The following PREX2 variants were observed in gnomAD, a reference collection of about 807,000 sequenced individuals.
PREX2 encodes phosphatidylinositol-3,4,5-trisphosphate dependent Rac exchange factor 2, also known as phosphatidylinositol 3,4,5-trisphosphate-dependent Rac exchanger 2 protein.
A neutral mutation model predicts 203.2 loss-of-function variants in PREX2; 107 were observed. The observed-to-expected ratio is 0.53, with a 90% CI of 0.45 to 0.62. PREX2 has a LOEUF of 0.62. PREX2 is among the 20% of genes least tolerant of loss of function. The pLI is 0.00. For missense variants in PREX2, 1,777 were observed against 1,955.9 expected, an observed-to-expected ratio of 0.91 and a Z score of 1.72; for synonymous variants, 672 against 663.6, an observed-to-expected ratio of 1.01 and a Z score of -0.19.
At chr8:68,158,140 C>CAT (rs57761539) in intron 35 of PREX2, among the ~76,000 whole-genome samples, 4 of 147,680 alleles carry the variant, frequency 2.7e-5, no homozygotes, top group African/African-American at 5.0e-5. Flanking sequence ...TATATACACA[C>CAT]ATATATGAAT....
chr8:68,021,968 A>G, intron 3 of PREX2, 68 bp from the exon 4 acceptor site: 1 of 777,558 alleles, frequency 1.3e-6, no homozygotes, highest in East Asian at 2.5e-5. Context: ...TTCTTTAAGC[A>G]TATCACATAG....
intron 3 of PREX2, 106 bp downstream of exon 3, chr8:68,019,777 A>G: frequency 3.5e-6 from 4 of 1,146,160 alleles, no homozygotes; most frequent in Non-Finnish European, 4.9e-6. Flanking sequence ...GTAAAATCTG[A>G]CACCAAAAGT....
chr8:68,022,294 TGA>T (rs548318947), intron 4 of PREX2, among the ~76,000 whole-genome samples, 154 bp downstream of exon 4: 6 of 152,052 alleles, frequency 3.9e-5, no homozygotes, highest in Non-Finnish European at 8.8e-5. Flanking sequence ...AAAATAAAAG[TGA>T]GAGCTGGGAT....
chr8:68,007,124 G>T (rs1412455093), intron 1 of PREX2, among the ~76,000 whole-genome samples: 1 of 152,084 alleles, frequency 6.6e-6, no homozygotes, highest in Non-Finnish European at 1.5e-5. Context: ...CATTTTGTTG[G>T]CAGCTATTTG....
chr8:67,982,783 G>A (rs185782789), intron 1 of PREX2, among the ~76,000 whole-genome samples: 32 of 152,250 alleles, frequency 2.1e-4, no homozygotes, highest in African/African-American at 7.2e-4. Flanking sequence ...CCCTCAAGAT[G>A]GAATGGGATT....
At chr8:68,092,184 A>G (rs974612736) in intron 20 of PREX2, among the ~76,000 whole-genome samples, 1 of 152,158 alleles carries the variant, frequency 6.6e-6, no homozygotes, top group African/African-American at 2.4e-5. Context: ...GAACATTACA[A>G]GTGATAAATG....
chr8:68,146,421 G>A (rs1190770866), intron 34 of PREX2, 69 bp downstream of exon 34: 2 of 1,302,262 alleles, frequency 1.5e-6, no homozygotes, highest in Non-Finnish European at 2.1e-6. Flanking sequence ...TTTTATAAAT[G>A]TGATTTTAAC....
In PREX2 at chr8:67,999,478, C is replaced by CAAA. The variant is rs58916146; in HGVS notation, c.142-18353_142-18351dup. Among the ~76,000 whole-genome samples, 61 of 92,098 alleles carry CAAA rather than the reference C, an allele frequency of 6.6e-4. 13 individuals carry two copies. Among genetic ancestry groups the CAAA allele is most frequent in the Non-Finnish European group, 9.5e-4 (44 of 46,524 alleles). The allele number at this position is 92,098 out of a possible 152,430, so 60.4% of individuals were successfully genotyped here. ...AATCAGTAATAAATAGCCAACAAAC[C>CAAA]AAAAAAAAAAAAAAAAAGCCCAGAA... On this transcript the variant is annotated intron_variant, in intron 1 of 39. Coordinates refer to ENST00000288368, the MANE Select transcript of PREX2 (RefSeq NM_024870.4).
chr8:68,097,694 C>G (rs1810127239), intron 22 of PREX2, among the ~76,000 whole-genome samples: 1 of 152,158 alleles, frequency 6.6e-6, no homozygotes, highest in Admixed American at 6.5e-5. Context: ...TTTATTGATC[C>G]TTTTGGAGCA....
intron 25 of PREX2, among the ~76,000 whole-genome samples, chr8:68,110,565 G>A (rs902027809): frequency 3.9e-5 from 6 of 152,044 alleles, no homozygotes; most frequent in Admixed American, 6.6e-5. Flanking sequence ...TACTCTCTTC[G>A]TGAAGTTGTT....
chr8:67,996,334 C>T (rs11785853), intron 1 of PREX2, among the ~76,000 whole-genome samples: 74,432 of 151,410 alleles, frequency 0.49, 18,626 homozygotes, highest in South Asian at 0.61. Context: ...TAGCTGGGAC[C>T]ACAGTCATGC....
intron 34 of PREX2, among the ~76,000 whole-genome samples, chr8:68,153,124 T>C (rs1811475062): frequency 6.6e-6 from 1 of 152,196 alleles, no homozygotes; most frequent in African/African-American, 2.4e-5. Context: ...GATCAACAAA[T>C]CTTGCTTCTC....
chr8:68,053,315 G>C, intron 9 of PREX2, 69 bp downstream of exon 9: 1 of 1,490,798 alleles, frequency 6.7e-7, no homozygotes, highest in Non-Finnish European at 9.2e-7. Flanking sequence ...CAGATAATGG[G>C]AAAACATGAG....
At chr8:67,972,593 G>A (rs551788629) in intron 1 of PREX2, among the ~76,000 whole-genome samples, 99 of 152,170 alleles carry the variant, frequency 6.5e-4, no homozygotes, top group Non-Finnish European at 1.1e-3. Flanking sequence ...CCAGTTTTGA[G>A]CTCCCTTCAC....
intron 37 of PREX2, 137 bp downstream of exon 37, chr8:68,192,662 C>T (rs539889211): frequency 1.9e-5 from 12 of 634,038 alleles, no homozygotes; most frequent in African/African-American, 7.4e-5. Flanking sequence ...AGATTTTGGA[C>T]GTTTTCTGGT....
intron 19 of PREX2, among the ~76,000 whole-genome samples, chr8:68,088,450 A>G (rs75207349): frequency 0.024 from 3,586 of 152,342 alleles, 124 homozygotes; most frequent in African/African-American, 0.073. Flanking sequence ...AAGTGTCACT[A>G]TTAGCATAAG....
At chr8:68,112,733 C>G (rs1228399372) in intron 25 of PREX2, among the ~76,000 whole-genome samples, 4 of 152,056 alleles carry the variant, frequency 2.6e-5, no homozygotes, top group Non-Finnish European at 5.9e-5. Flanking sequence ...AAGTTAGATG[C>G]AGGGAGAGGA....
chr8:68,208,261 T>A (rs1230978829), intron 37 of PREX2, among the ~76,000 whole-genome samples: 1 of 152,336 alleles, frequency 6.6e-6, no homozygotes, highest in Non-Finnish European at 1.5e-5. Flanking sequence ...CACTGAACTG[T>A]ACACATGCAT....
At chr8:68,088,467 T>G (rs188449885) in intron 19 of PREX2, among the ~76,000 whole-genome samples, 33 of 152,344 alleles carry the variant, frequency 2.2e-4, no homozygotes, top group African/African-American at 7.7e-4. Context: ...TAAGAAGTCA[T>G]GTGTTTATCT....
Sources: allele counts gnomAD v4.1 joint callset (sites outside exome capture counted in the v4.1 genomes callset), GRCh38; gene constraint gnomAD v4.1.1; transcripts MANE v1.5; gene names NCBI Gene and HGNC (gene_info 2026-07-23, HGNC 2026-07-21).